Variants in PRKD1 observed in about 807,000 individuals in gnomAD.
PRKD1 encodes the protein protein kinase D1, also known as serine/threonine-protein kinase D1.
Under a neutral mutation model 95.9 loss-of-function variants are expected in PRKD1, and 63 were observed. The ratio of observed to expected loss-of-function variants is 0.66; its 90% CI spans 0.54 to 0.81. The LOEUF (loss-of-function observed/expected upper bound fraction) is 0.81. PRKD1 is among the 30% of genes least tolerant of loss of function. The probability of loss-of-function intolerance (pLI) is 0.00; values close to 1 mark genes in which losing one functional copy is unlikely to be tolerated. For missense variants in PRKD1, 1,048 were observed against 1,165.3 expected, an observed-to-expected ratio of 0.90 and a Z score of 1.47; for synonymous variants, 425 against 423.1, an observed-to-expected ratio of 1.00 and a Z score of -0.05.
intron 1 of PRKD1, among the ~76,000 whole-genome samples, chr14:29,872,527 C>T (rs1347396538): frequency 6.6e-6 from 1 of 151,938 alleles, no homozygotes; most frequent in Non-Finnish European, 1.5e-5. Flanking sequence ...TGGCTTGCAC[C>T]TGTAGTCCCA....
intron 1 of PRKD1, among the ~76,000 whole-genome samples, chr14:29,911,766 T>C (rs1188160495): frequency 1.3e-5 from 2 of 152,246 alleles, no homozygotes; most frequent in African/African-American, 4.8e-5. Context: ...TATCTTACTG[T>C]TTCGGAGATC....
At chr14:29,924,268 A>G (rs550841479) in intron 1 of PRKD1, among the ~76,000 whole-genome samples, 2 of 152,328 alleles carry the variant, frequency 1.3e-5, no homozygotes, top group African/African-American at 4.8e-5. Context: ...ATAAGTCAGT[A>G]TATACTTAGG....
intron 13 of PRKD1, among the ~76,000 whole-genome samples, chr14:29,608,012 G>A (rs1302054307): frequency 6.6e-6 from 1 of 152,084 alleles, no homozygotes; most frequent in South Asian, 2.1e-4. Context: ...ACAAACAACT[G>A]TAATAAGATT....
intron 11 of PRKD1, 82 bp from the exon 12 acceptor site, chr14:29,626,638 A>T: frequency 1.4e-6 from 1 of 724,276 alleles, no homozygotes; most frequent in Non-Finnish European, 2.0e-6. Flanking sequence ...TCTATTAAAT[A>T]TATTATAAAC....
intron 2 of PRKD1, among the ~76,000 whole-genome samples, chr14:29,683,859 TAAGA>T (rs1883685504): frequency 6.6e-6 from 1 of 152,336 alleles, no homozygotes; most frequent in Admixed American, 6.5e-5. Flanking sequence ...AATCAACAAA[TAAGA>T]AATCTAAGGC....
At chr14:29,781,296 A>C (rs1452975798) in intron 1 of PRKD1, among the ~76,000 whole-genome samples, 2 of 152,334 alleles carry the variant, frequency 1.3e-5, no homozygotes, top group East Asian at 3.9e-4. Context: ...AATGATAATA[A>C]TAAAAAAGAA....
At chr14:29,758,017 C>A (rs905685358) in intron 1 of PRKD1, among the ~76,000 whole-genome samples, 1 of 152,004 alleles carries the variant, frequency 6.6e-6, no homozygotes, top group Non-Finnish European at 1.5e-5. Context: ...ACATGAGGAA[C>A]GGTTCTAAGG....
At chr14:29,882,833 CTT>C (rs1893560272) in intron 1 of PRKD1, among the ~76,000 whole-genome samples, 1 of 151,036 alleles carries the variant, frequency 6.6e-6, no homozygotes, top group African/African-American at 2.5e-5. Flanking sequence ...TGTATTACTT[CTT>C]TTTTAAGGTT....
intron 2 of PRKD1, among the ~76,000 whole-genome samples, chr14:29,719,555 T>C (rs1199132763): frequency 6.6e-6 from 1 of 152,210 alleles, no homozygotes; most frequent in Non-Finnish European, 1.5e-5. Flanking sequence ...ATGGTATTAA[T>C]AGTGACTGAA....
chr14:29,616,000 T>C (rs955705752), intron 13 of PRKD1, among the ~76,000 whole-genome samples: 1 of 152,076 alleles, frequency 6.6e-6, no homozygotes, highest in African/African-American at 2.4e-5. Context: ...TGTGGAAGGC[T>C]GGACTTCAAG....
chr14:29,612,430 T>G (rs1489214571), intron 13 of PRKD1, among the ~76,000 whole-genome samples: 2 of 152,124 alleles, frequency 1.3e-5, no homozygotes, highest in Non-Finnish European at 2.9e-5. Flanking sequence ...TGCTGGGAAA[T>G]AATGATTTTT....
intron 4 of PRKD1, among the ~76,000 whole-genome samples, chr14:29,644,687 C>T (rs73255543): frequency 6.6e-6 from 1 of 151,844 alleles, no homozygotes; most frequent in Non-Finnish European, 1.5e-5. Flanking sequence ...TGTTTTCTAT[C>T]ATTATCTAGT....
intron 1 of PRKD1, among the ~76,000 whole-genome samples, chr14:29,753,865 CT>C (rs1887584629): frequency 6.6e-6 from 1 of 152,158 alleles, no homozygotes; most frequent in Non-Finnish European, 1.5e-5. Context: ...TCTCTACTAA[CT>C]TGCTGCCCAA....
chr14:29,614,856 AT>A (rs55917722), intron 13 of PRKD1, among the ~76,000 whole-genome samples: 78 of 115,634 alleles, frequency 6.7e-4, no homozygotes, highest in East Asian at 5.4e-3. Context: ...TGCCCAGCTA[AT>A]TTTTTTTTTT....
intron 1 of PRKD1, among the ~76,000 whole-genome samples, chr14:29,845,731 T>C (rs1401699441): frequency 6.6e-6 from 1 of 152,194 alleles, no homozygotes; most frequent in Admixed American, 6.5e-5. Flanking sequence ...TAAGAATACG[T>C]TAATGTTCAT....
At chr14:29,869,996 A>G (rs868804525) in intron 1 of PRKD1, among the ~76,000 whole-genome samples, 4 of 152,070 alleles carry the variant, frequency 2.6e-5, no homozygotes, top group South Asian at 2.1e-4. Flanking sequence ...TTCTCCTTCA[A>G]TATGGTTAAC....
At chr14:29,831,216 G>T (rs1891398057) in intron 1 of PRKD1, among the ~76,000 whole-genome samples, 1 of 152,106 alleles carries the variant, frequency 6.6e-6, no homozygotes, top group Non-Finnish European at 1.5e-5. Flanking sequence ...CCATTTTACA[G>T]ATGAGAAAAC....
intron 2 of PRKD1, among the ~76,000 whole-genome samples, chr14:29,705,111 C>T (rs988476800): frequency 2.6e-5 from 4 of 152,106 alleles, no homozygotes; most frequent in Non-Finnish European, 4.4e-5. Context: ...GAATTACTCA[C>T]GTCGATATGT....
chr14:29,635,334 T>C (rs562569872), intron 7 of PRKD1, among the ~76,000 whole-genome samples: 28 of 152,198 alleles, frequency 1.8e-4, no homozygotes, highest in Admixed American at 6.5e-4. Flanking sequence ...CTTGTCCCCC[T>C]TCCCACAACA....
Sources: gnomAD v4.1 joint callset for allele counts (sites outside exome capture counted in the v4.1 genomes callset) on GRCh38, gnomAD v4.1.1 for gene constraint, MANE v1.5 for transcripts, NCBI Gene and HGNC (gene_info 2026-07-23, HGNC 2026-07-21) for gene names.